CDH18: variants seen among roughly 807,000 people sequenced by gnomAD.
CDH18 encodes the protein cadherin 18, also known as cadherin-18.
Under a neutral mutation model 67.9 loss-of-function variants are expected in CDH18, and 31 were observed. The observed-to-expected ratio is 0.46, with a 90% CI of 0.34 to 0.62. CDH18 has a LOEUF of 0.62. Ranked by LOEUF, CDH18 falls within the 20% of genes least tolerant of loss-of-function variation. The pLI, the probability that CDH18 is intolerant of heterozygous loss-of-function variation, is 0.01. For synonymous variants in CDH18, 362 were observed against 347.2 expected (o/e 1.04, Z -0.48); for missense variants, 890 against 975.5 (o/e 0.91, Z 1.17).
chr5:20,137,299 C>T (rs866707138), intron 2 of CDH18, among the ~76,000 whole-genome samples: 4 of 152,014 alleles, frequency 2.6e-5, no homozygotes, highest in Non-Finnish European at 5.9e-5. Context: ...TCTTTTTTCT[C>T]TAAACTTCTC....
At chr5:19,905,435 T>G (rs1402294696) in intron 2 of CDH18, among the ~76,000 whole-genome samples, 1 of 150,802 alleles carries the variant, frequency 6.6e-6, no homozygotes, top group African/African-American at 2.4e-5. Flanking sequence ...TTTAAAATAT[T>G]GGAAGATAAA....
chr5:19,545,531 A>G (rs1337969512), intron 8 of CDH18, among the ~76,000 whole-genome samples: 1 of 152,238 alleles, frequency 6.6e-6, no homozygotes, highest in Non-Finnish European at 1.5e-5. Context: ...GTCAACTTGG[A>G]CAAAGATGGA....
intron 1 of CDH18, among the ~76,000 whole-genome samples, chr5:20,409,178 C>A (rs1746554114): frequency 6.6e-6 from 1 of 151,782 alleles, no homozygotes; most frequent in Admixed American, 6.6e-5. Flanking sequence ...ATGAACCTAA[C>A]AGGCATATAC....
intron 2 of CDH18, among the ~76,000 whole-genome samples, chr5:20,142,848 C>T (rs1035832480): frequency 1.3e-5 from 2 of 152,142 alleles, no homozygotes; most frequent in South Asian, 4.1e-4. Flanking sequence ...TTCTAGCCTC[C>T]AGAACTGTGA....
chr5:20,527,196 C>A (rs112059864), intron 1 of CDH18, among the ~76,000 whole-genome samples: 1 of 151,330 alleles, frequency 6.6e-6, no homozygotes, highest in Non-Finnish European at 1.5e-5. Context: ...ATAAGGCAGG[C>A]AGACAAGACT....
chr5:19,947,550 G>A (rs2150251070), intron 2 of CDH18, among the ~76,000 whole-genome samples: 1 of 137,652 alleles, frequency 7.3e-6, no homozygotes, highest in East Asian at 2.2e-4. Context: ...CAATCAGCCT[G>A]GGCAATATGG....
intron 2 of CDH18, among the ~76,000 whole-genome samples, chr5:20,003,065 C>T (rs1736579062): frequency 2.0e-5 from 3 of 151,648 alleles, no homozygotes; most frequent in Non-Finnish European, 4.4e-5. Context: ...CATTTTAGAA[C>T]ATTATCAGTG....
At position 19,703,536 on chromosome 5, in the gene CDH18, G is replaced by A. The variant is rs372980955; in HGVS notation, c.643+17811C>T. 2.0e-4 allele frequency among the ~76,000 whole-genome samples: 31 copies of A among 152,210 alleles called. 1 individual carries two copies. The highest frequency in any genetic ancestry group is 7.0e-4 in the African/African-American group (29 of 41,538). On this transcript the variant is annotated intron_variant, in intron 5 of 12. Coordinates refer to ENST00000382275, the MANE Select transcript of CDH18 (RefSeq NM_004934.5). The stretch of plus-strand genomic sequence containing the variant: ...CCCCCTCATTATTTTGAAGAAAAAG[G>A]GTGGCCTGACCCTCCAGATCTTTCT...
chr5:19,574,732 C>T (rs1008450945), intron 7 of CDH18, among the ~76,000 whole-genome samples: 10 of 149,004 alleles, frequency 6.7e-5, no homozygotes, highest in East Asian at 3.9e-4. Context: ...TTGTCTTCCA[C>T]GCTTTCTTAG....
chr5:20,151,353 T>C (rs966775983), intron 2 of CDH18, among the ~76,000 whole-genome samples: 1 of 152,142 alleles, frequency 6.6e-6, no homozygotes, highest in Non-Finnish European at 1.5e-5. Flanking sequence ...TATTCCATGG[T>C]GTATATGTAC....
At chr5:20,373,590 A>G (rs1395904629) in intron 1 of CDH18, among the ~76,000 whole-genome samples, 1 of 152,016 alleles carries the variant, frequency 6.6e-6, no homozygotes, top group African/African-American at 2.4e-5. Flanking sequence ...CATTACTTAC[A>G]TTGGTTTTCA....
At chr5:19,547,164 C>T (rs780204261) in intron 8 of CDH18, among the ~76,000 whole-genome samples, 8 of 152,056 alleles carry the variant, frequency 5.3e-5, no homozygotes, top group African/African-American at 1.7e-4. Flanking sequence ...AGGAAAAATG[C>T]TGAGGATGAG....
At chr5:20,362,606 G>A (rs1049198576) in intron 1 of CDH18, among the ~76,000 whole-genome samples, 3 of 152,166 alleles carry the variant, frequency 2.0e-5, no homozygotes, top group African/African-American at 7.2e-5. Context: ...AAAGGAAGTA[G>A]ATGTCAGAAG....
At chr5:20,276,510 C>G (rs943436994) in intron 1 of CDH18, among the ~76,000 whole-genome samples, 1 of 152,114 alleles carries the variant, frequency 6.6e-6, no homozygotes, top group Non-Finnish European at 1.5e-5. Flanking sequence ...AATAAAGAAC[C>G]CTTGAGCCCT....
At chr5:20,069,806 C>T (rs910536607) in intron 2 of CDH18, among the ~76,000 whole-genome samples, 2 of 152,172 alleles carry the variant, frequency 1.3e-5, no homozygotes, top group East Asian at 3.8e-4. Flanking sequence ...TATACCTCTT[C>T]CCTTACATAT....
intron 1 of CDH18, among the ~76,000 whole-genome samples, chr5:20,556,676 A>C (rs1435797316): frequency 6.6e-6 from 1 of 152,156 alleles, no homozygotes; most frequent in East Asian, 1.9e-4. Context: ...TCAAAGCATT[A>C]GTGGATTATT....
chr5:20,290,511 C>A (rs911742779), intron 1 of CDH18, among the ~76,000 whole-genome samples: 6 of 152,194 alleles, frequency 3.9e-5, no homozygotes, highest in Middle Eastern at 3.4e-3. Flanking sequence ...ATAATCCCTA[C>A]CTTTGCATAC....
intron 2 of CDH18, among the ~76,000 whole-genome samples, chr5:20,149,232 C>G (rs1180424742): frequency 1.3e-5 from 2 of 152,102 alleles, no homozygotes; most frequent in Admixed American, 1.3e-4. Flanking sequence ...TATATTTACC[C>G]TAATTGTTCA....
At chr5:20,092,067 T>G (rs553605784) in intron 2 of CDH18, among the ~76,000 whole-genome samples, 1 of 152,258 alleles carries the variant, frequency 6.6e-6, no homozygotes, top group African/African-American at 2.4e-5. Flanking sequence ...GGGATTTCAT[T>G]AAGGTAATTG....
Sources: allele counts gnomAD v4.1 joint callset (sites outside exome capture counted in the v4.1 genomes callset), GRCh38; gene constraint gnomAD v4.1.1; transcripts MANE v1.5; gene names NCBI Gene and HGNC (gene_info 2026-07-23, HGNC 2026-07-21).